CRYM: variants seen among roughly 807,000 people sequenced by gnomAD.
The protein encoded by CRYM is crystallin mu.
In CRYM, 18 loss-of-function variants were observed where a neutral mutation model predicts 32.9. That is an observed-to-expected ratio of 0.55 (90% CI 0.38 to 0.81). The LOEUF (loss-of-function observed/expected upper bound fraction) is 0.81, where lower values mean the gene tolerates loss of function less well. CRYM is among the 30% of genes least tolerant of loss of function. CRYM has a pLI of 0.00. For synonymous variants in CRYM, 153 were observed against 152.4 expected, an observed-to-expected ratio of 1.00 and a Z score of -0.03; for missense variants, 337 against 393.5, an observed-to-expected ratio of 0.86 and a Z score of 1.21.
chr16:21,264,498 G>C lies in CRYM; in HGVS notation c.674-2340C>G, dbSNP rs78633378. Among the ~76,000 whole-genome samples, 69 of 152,294 alleles carry C rather than the reference G, an allele frequency of 4.5e-4. No individual in the cohort carries two copies. In the East Asian group the frequency reaches 0.013, roughly 29 times the overall value. On this transcript the variant is annotated intron_variant, in intron 5 of 7. Transcript: ENST00000572914. Reference sequence around the variant, plus strand: ...GTCGCAGACAGGCTTGACAGGGTGTGGGGGCAGGAGGAGGGAGGCATGGGG... The same window carrying C: ...GTCGCAGACAGGCTTGACAGGGTGTCGGGGCAGGAGGAGGGAGGCATGGGG...
chr16:21,300,745 C>T (rs1308215524), intron 1 of CRYM: 1 of 152,330 alleles, frequency 6.6e-6, no homozygotes, highest in African/African-American at 2.4e-5. Flanking sequence ...CAAAGCTTAA[C>T]TTCGGAGCTG....
intron 5 of CRYM, among the ~76,000 whole-genome samples, chr16:21,266,522 C>T (rs576256945): frequency 7.2e-5 from 11 of 152,118 alleles, no homozygotes; most frequent in Non-Finnish European, 1.5e-4. Context: ...CTAGAGCCCC[C>T]TCTCCTGCCC....
chr16:21,300,848 CG>C (rs1793463453), intron 1 of CRYM: 1 of 152,338 alleles, frequency 6.6e-6, no homozygotes, highest in Admixed American at 6.5e-5. Context: ...ACACTGGATG[CG>C]AGAATTGGGG....
chr16:21,290,615 C>CT (rs1414093566), intron 1 of CRYM, among the ~76,000 whole-genome samples: 2 of 152,228 alleles, frequency 1.3e-5, no homozygotes, highest in Non-Finnish European at 2.9e-5. Context: ...ATAATTTCAT[C>CT]TTTTTTTCCA....
intron 7 of CRYM, 136 bp from the exon 8 acceptor site, chr16:21,258,981 GA>G: frequency 1.4e-6 from 1 of 726,748 alleles, no homozygotes; most frequent in Non-Finnish European, 2.5e-6. Context: ...CTGATACCCA[GA>G]GATGAGCTCA....
chr16:21,261,127 A>G (rs866180344), intron 7 of CRYM, 127 bp downstream of exon 7: 1 of 787,016 alleles, frequency 1.3e-6, no homozygotes, highest in South Asian at 1.4e-5. Context: ...CCATGTAAAT[A>G]ATTGACCTGA....
At chr16:21,299,087 GT>G (rs1960845515) in intron 1 of CRYM, among the ~76,000 whole-genome samples, 2 of 152,048 alleles carry the variant, frequency 1.3e-5, no homozygotes, top group South Asian at 4.2e-4. Context: ...GTGATTTCCT[GT>G]TTCACACGTG....
In CRYM at chr16:21,261,266, A is replaced by C; in HGVS notation, c.868T>G (p.Phe290Val). 1 of 1,613,416 alleles carries C rather than the reference A, an allele frequency of 6.2e-7. No individual in the cohort carries two copies. Among genetic ancestry groups the C allele is most frequent in the Non-Finnish European group, 8.5e-7 (1 of 1,179,448 alleles). Residue 290 changes from phenylalanine to valine, a missense_variant, in exon 7 of 8, where the codon TTC becomes GTC. By Grantham distance (50) the Phe-to-Val change is conservative. Transcript: ENST00000572914. ...CAATGGATCTTACCCAAAGACTTGA[A>C]CACGGTGGTCTTCTCACAGTGGGCT... ...KPAHCEKTTV[F>V]KSLGMAVEDT...
At chr16:21,264,917 C>T (rs1020518013) in intron 5 of CRYM, among the ~76,000 whole-genome samples, 4 of 152,094 alleles carry the variant, frequency 2.6e-5, no homozygotes, top group Non-Finnish European at 5.9e-5. Flanking sequence ...GGAAGAGGAC[C>T]CCCGAGCATG....
At chr16:21,273,835 A>C (rs1597619535) in intron 3 of CRYM, among the ~76,000 whole-genome samples, 1 of 152,242 alleles carries the variant, frequency 6.6e-6, no homozygotes, top group South Asian at 2.1e-4. Context: ...CAGTAATACA[A>C]GATTCATTCT....
At chr16:21,265,456 ACCT>A (rs1373249256) in intron 5 of CRYM, among the ~76,000 whole-genome samples, 1 of 151,028 alleles carries the variant, frequency 6.6e-6, no homozygotes, top group Non-Finnish European at 1.5e-5. Flanking sequence ...TCTACCTTCC[ACCT>A]CCACCACCAG....
chr16:21,263,551 C>T (rs1242159843), intron 5 of CRYM, among the ~76,000 whole-genome samples: 3 of 151,836 alleles, frequency 2.0e-5, no homozygotes. Flanking sequence ...TAACTCATGA[C>T]AAAAGAAAAA....
At chr16:21,272,207 G>A (rs371172832) in intron 3 of CRYM, among the ~76,000 whole-genome samples, 22 of 152,188 alleles carry the variant, frequency 1.4e-4, no homozygotes, top group African/African-American at 5.3e-4. Flanking sequence ...CAGCATTAGT[G>A]GCACTTCAAT....
intron 1 of CRYM, among the ~76,000 whole-genome samples, chr16:21,290,155 G>T (rs145001304): frequency 6.6e-6 from 1 of 152,178 alleles, no homozygotes; most frequent in East Asian, 1.9e-4. Flanking sequence ...TGGCAATGTC[G>T]GATCCCCTTC....
At chr16:21,264,329 C>A (rs540050393) in intron 5 of CRYM, among the ~76,000 whole-genome samples, 1 of 152,350 alleles carries the variant, frequency 6.6e-6, no homozygotes, top group East Asian at 1.9e-4. Context: ...TTCCCCTGCA[C>A]AACCACTGCT....
intron 5 of CRYM, among the ~76,000 whole-genome samples, chr16:21,266,998 C>G (rs2093365073): frequency 6.6e-6 from 1 of 151,744 alleles, no homozygotes; most frequent in African/African-American, 2.4e-5. Context: ...CAGAGTGAGA[C>G]CCTGTCCCAA....
intron 7 of CRYM, among the ~76,000 whole-genome samples, chr16:21,260,267 T>G (rs2152861059): frequency 6.6e-6 from 1 of 152,158 alleles, no homozygotes; most frequent in South Asian, 2.1e-4. Flanking sequence ...TTTGGGAGTA[T>G]TTCAGTGTTT....
chr16:21,263,400 CAAAA>C lies in CRYM; in HGVS notation c.674-1246_674-1243del, dbSNP rs1289240352. Among the ~76,000 whole-genome samples, 3 of 151,974 alleles carry C rather than the reference CAAAA, an allele frequency of 2.0e-5. No homozygotes were observed. The East Asian group carries it at 5.8e-4, about 30-fold the overall frequency. ...CAGGCGACAGAGTGAGACTCCATCT[CAAAA>C]AACAAACAAACAAAAACTCACCACA... On this transcript the variant is annotated intron_variant, in intron 5 of 7. Coordinates refer to ENST00000572914, the MANE Select transcript of CRYM (RefSeq NM_001376256.1).
intron 5 of CRYM, among the ~76,000 whole-genome samples, chr16:21,266,548 A>G (rs1333400264): frequency 3.3e-5 from 5 of 152,132 alleles, no homozygotes; most frequent in Admixed American, 3.3e-4. Context: ...CCTATCACAC[A>G]TATTAAAAAG....
Sources: gnomAD v4.1 joint callset for allele counts (sites outside exome capture counted in the v4.1 genomes callset) on GRCh38, gnomAD v4.1.1 for gene constraint, MANE v1.5 for transcripts, NCBI Gene and HGNC (gene_info 2026-07-23, HGNC 2026-07-21) for gene names.